Variants in TINAG observed in about 807,000 individuals in gnomAD.
TINAG encodes the protein tubulointerstitial nephritis antigen.
A neutral mutation model predicts 72.7 loss-of-function variants in TINAG; 83 were observed. That is an observed-to-expected ratio of 1.14 (90% CI 0.96 to 1.37). The LOEUF (loss-of-function observed/expected upper bound fraction) is 1.37, where lower values mean the gene tolerates loss of function less well. TINAG is among the 40% of genes most tolerant of loss of function. The probability of loss-of-function intolerance (pLI) is 0.00; values close to 1 mark genes in which losing one functional copy is unlikely to be tolerated. For synonymous variants in TINAG, 234 were observed against 189.9 expected, an observed-to-expected ratio of 1.23 and a Z score of -1.91; for missense variants, 685 against 576.6, an observed-to-expected ratio of 1.19 and a Z score of -1.93.
intron 1 of TINAG, among the ~76,000 whole-genome samples, chr6:54,311,640 A>C (rs1266658033): frequency 6.6e-6 from 1 of 152,084 alleles, no homozygotes; most frequent in Non-Finnish European, 1.5e-5. Flanking sequence ...GCTTCTCTTC[A>C]TATGCTCATT....
chr6:54,370,824 G>C (rs1763581127), intron 9 of TINAG, among the ~76,000 whole-genome samples: 1 of 152,036 alleles, frequency 6.6e-6, no homozygotes, highest in African/African-American at 2.4e-5. Context: ...TTGTCTGTCA[G>C]TACTGAATCA....
intron 4 of TINAG, among the ~76,000 whole-genome samples, chr6:54,335,078 G>T (rs73741231): frequency 0.031 from 4,733 of 152,110 alleles, 254 homozygotes; most frequent in African/African-American, 0.11. Context: ...TGAGGGCCAC[G>T]GTGGGCCACA....
chr6:54,374,242 A>T (rs1763714974), intron 9 of TINAG, among the ~76,000 whole-genome samples: 1 of 152,086 alleles, frequency 6.6e-6, no homozygotes, highest in Non-Finnish European at 1.5e-5. Flanking sequence ...CATGTGTGAT[A>T]TTAATATTTT....
At chr6:54,313,299 G>T (rs1346099050) in intron 1 of TINAG, among the ~76,000 whole-genome samples, 1 of 151,968 alleles carries the variant, frequency 6.6e-6, no homozygotes, top group Non-Finnish European at 1.5e-5. Flanking sequence ...GATTAGTTAG[G>T]GATCGTATTC....
At chr6:54,348,269 C>T (rs72959309) in intron 6 of TINAG, among the ~76,000 whole-genome samples, 9,386 of 152,104 alleles carry the variant, frequency 0.062, 523 homozygotes, top group East Asian at 0.3. Context: ...TTTTTTCATA[C>T]GTTTTGCCTA....
intron 4 of TINAG, among the ~76,000 whole-genome samples, chr6:54,337,580 G>A (rs1408945390): frequency 2.0e-5 from 3 of 151,948 alleles, no homozygotes; most frequent in African/African-American, 4.8e-5. Flanking sequence ...GATTTGACTA[G>A]GAATAACCCT....
chr6:54,326,362 T>G (rs927208339), intron 3 of TINAG, among the ~76,000 whole-genome samples: 2 of 151,944 alleles, frequency 1.3e-5, no homozygotes, highest in African/African-American at 4.8e-5. Flanking sequence ...ACCTATTTTA[T>G]CCTTCATTTT....
intron 9 of TINAG, among the ~76,000 whole-genome samples, chr6:54,366,240 G>A (rs78145851): frequency 1.6e-4 from 24 of 147,312 alleles, no homozygotes; most frequent in Non-Finnish European, 2.5e-4. Flanking sequence ...ATCTATATGC[G>A]TACACGTACG....
At chr6:54,308,099 G>C, upstream of TINAG, 1 of 1,549,762 alleles carries the variant, frequency 6.5e-7, no homozygotes, top group South Asian at 1.2e-5. Context: ...AATGCAGGCA[G>C]GTGAAACGAA....
At chr6:54,380,497 C>T (rs1384014375) in intron 9 of TINAG, 29 bp from the exon 10 acceptor site, 4 of 1,590,414 alleles carry the variant, frequency 2.5e-6, no homozygotes, top group Admixed American at 1.7e-5. Context: ...TTTAACCATA[C>T]CAATCTTTAT....
At chr6:54,360,239 C>CG (rs1763182387) in intron 9 of TINAG, among the ~76,000 whole-genome samples, 1 of 150,390 alleles carries the variant, frequency 6.6e-6, no homozygotes. Flanking sequence ...TATTTCCCCC[C>CG]TCTCTCTTCC....
At chr6:54,326,735 A>G (rs1784610286) in intron 3 of TINAG, 67 bp from the exon 4 acceptor site, 3 of 1,124,338 alleles carry the variant, frequency 2.7e-6, no homozygotes, top group Non-Finnish European at 3.7e-6. Context: ...AGGAAAATGT[A>G]TTTATAAAAG....
chr6:54,351,850 A>G (rs1785273861), intron 8 of TINAG, among the ~76,000 whole-genome samples: 1 of 151,964 alleles, frequency 6.6e-6, no homozygotes, highest in African/African-American at 2.4e-5. Context: ...TCCTTCTATT[A>G]GCTCAAAATA....
chr6:54,331,506 G>C (rs944725276), intron 4 of TINAG, among the ~76,000 whole-genome samples: 5 of 152,172 alleles, frequency 3.3e-5, no homozygotes, highest in African/African-American at 1.2e-4. Flanking sequence ...ATATCATACT[G>C]AATGGGCAAA....
At chr6:54,323,784 T>C (rs1283169506) in intron 3 of TINAG, among the ~76,000 whole-genome samples, 1 of 152,076 alleles carries the variant, frequency 6.6e-6, no homozygotes, top group Non-Finnish European at 1.5e-5. Flanking sequence ...TGAAACCCCA[T>C]CTCTACCAGA....
intron 9 of TINAG, among the ~76,000 whole-genome samples, chr6:54,374,344 C>G (rs1324564050): frequency 6.6e-6 from 1 of 152,024 alleles, no homozygotes; most frequent in Non-Finnish European, 1.5e-5. Flanking sequence ...GATAAAAGTA[C>G]CTGATCTTAG....
At chr6:54,336,517 A>G (rs1784868620) in intron 4 of TINAG, among the ~76,000 whole-genome samples, 1 of 152,154 alleles carries the variant, frequency 6.6e-6, no homozygotes, top group Non-Finnish European at 1.5e-5. Context: ...CATAATGTTC[A>G]AGTGCTTGTG....
At chr6:54,323,043 G>A (rs772441188) in intron 3 of TINAG, among the ~76,000 whole-genome samples, 5 of 152,180 alleles carry the variant, frequency 3.3e-5, no homozygotes, top group Non-Finnish European at 5.9e-5. Context: ...AATGCTATTA[G>A]GTTGGTGCAA....
At chr6:54,388,398 C>G (rs9370292) in intron 10 of TINAG, among the ~76,000 whole-genome samples, 42,643 of 151,930 alleles carry the variant, frequency 0.28, 6,754 homozygotes, top group African/African-American at 0.42. Context: ...AGGAGGCAAA[C>G]AGCCAAATCT....
Sources: gnomAD v4.1 joint callset for allele counts (sites outside exome capture counted in the v4.1 genomes callset) on GRCh38, gnomAD v4.1.1 for gene constraint, MANE v1.5 for transcripts, NCBI Gene and HGNC (gene_info 2026-07-23, HGNC 2026-07-21) for gene names.